The following MYO15A variants were observed in gnomAD, a reference collection of about 807,000 sequenced individuals.
MYO15A encodes unconventional myosin-XV.
In MYO15A, 308 loss-of-function variants were observed where a neutral mutation model predicts 394.6. The ratio of observed to expected loss-of-function variants is 0.78; its 90% CI spans 0.71 to 0.86. MYO15A has a LOEUF of 0.86. Ranked by LOEUF, MYO15A falls within the 40% of genes least tolerant of loss-of-function variation. The pLI, the probability that MYO15A is intolerant of heterozygous loss-of-function variation, is 0.00. For synonymous variants in MYO15A, 1,957 were observed against 2,003.8 expected (o/e 0.98, Z 0.62); for missense variants, 4,606 against 4,799.1 (o/e 0.96, Z 1.19).
chr17:18,136,805 C>T (rs1597786126), intron 15 of MYO15A, 119 bp downstream of exon 15: 3 of 1,371,712 alleles, frequency 2.2e-6, no homozygotes, highest in African/African-American at 1.4e-5. Flanking sequence ...ATCCTCCCTT[C>T]ATGGACCCCT....
intron 12 of MYO15A, among the ~76,000 whole-genome samples, chr17:18,135,103 C>T (rs763885780): frequency 8.5e-5 from 13 of 152,076 alleles, no homozygotes; most frequent in African/African-American, 1.7e-4. Context: ...CTGCCTCATT[C>T]GATCCTCCCA....
In MYO15A at chr17:18,153,711, A is replaced by G; in HGVS notation, c.7967-64A>G. On this transcript the variant is annotated intron_variant, in intron 42 of 65. Coordinates refer to ENST00000647165, the MANE Select transcript of MYO15A (RefSeq NM_016239.4). This position sits in a 1 kb window ranked among gnomAD's most constrained non-coding sequence, Gnocchi z 4.1. ...GAAACTCCGTCTCAAAAATATATAT[A>G]TATATTAATTAAATAAAAAAACGAG... 1.4e-6 allele frequency: 2 copies of G among 1,461,656 alleles called. No individual in the cohort carries two copies. Among genetic ancestry groups the G allele is most frequent in the Non-Finnish European group, 1.8e-6 (2 of 1,095,112 alleles). The allele number at this position is 1,461,656 out of a possible 1,614,324, so 90.5% of individuals were successfully genotyped here. A position where few individuals can be genotyped will look rare whatever the true frequency, so the allele number is the denominator to read the frequency against.
In MYO15A at chr17:18,119,822, A is replaced by G. The variant is rs565206764; in HGVS notation, c.1022A>G (p.Tyr341Cys). 2.0e-5 allele frequency: 32 copies of G among 1,612,990 alleles called. No homozygotes were observed. In the East Asian group the frequency reaches 5.3e-4, roughly 27 times the overall value. ...GAGGGCGAGGCGCACCCTTATGGCT[A>G]CTACCTGGATCCCTATGCGCCGTAC... Reference protein sequence around the residue: ...GYEGEAHPYGYYLDPYAPYDA... With the variant: ...GYEGEAHPYGCYLDPYAPYDA... The change falls in exon 2 of 66, where the codon TAC becomes TGC. Residue 341 changes from tyrosine to cysteine, a missense_variant. By Grantham distance (194) the Tyr-to-Cys change is radical. Around this residue, in one of 2 missense-constraint regions of MYO15A, gnomAD observed 1,830 missense variants for 1,689.7 expected, o/e 1.08. Coordinates refer to ENST00000647165, the MANE Select transcript of MYO15A (RefSeq NM_016239.4).
Position 18,159,341 on chromosome 17 carries a change from T to C in MYO15A, c.9223T>C (p.Phe3075Leu), listed in dbSNP as rs2142393377. 3 of 1,614,188 alleles carry C rather than the reference T, an allele frequency of 1.9e-6. No individual in the cohort carries two copies. The highest frequency in any genetic ancestry group is 2.5e-6 in the Non-Finnish European group (3 of 1,180,032). Residue 3075 changes from phenylalanine (F) to leucine (L), a missense_variant, in exon 54 of 66, where the codon TTC (phenylalanine) becomes CTC (leucine). Phe to Leu is a conservative substitution (Grantham distance 22). Around this residue, in one of 2 missense-constraint regions of MYO15A, gnomAD observed 2,776 missense variants for 3,109.3 expected, o/e 0.89. Coordinates refer to ENST00000647165, the MANE Select transcript of MYO15A (RefSeq NM_016239.4). ...CCTCAGCAAGATGGCCACCGACATG[T>C]TCCTAGGTGTGGGAGTGGGACTGCA... ...SSLSKMATDM[F>L]LAVMRFMGDA...
Position 18,159,923 on chromosome 17 carries a change from GC to G in MYO15A, c.9304-6del, listed in dbSNP as rs1390166367. ...CATGTCTTTGGTGTGTAACCTCCCT[GC>G]CCCCCTTCAGCTGTGCGGGGACCAT... On this transcript the variant is annotated splice_polypyrimidine_tract_variant and intron_variant, in intron 55 of 65. Transcript: ENST00000647165. 3.7e-6 allele frequency: 6 copies of G among 1,613,656 alleles called. No individual in the cohort carries two copies. The highest frequency in any genetic ancestry group is 5.1e-6 in the Non-Finnish European group (6 of 1,179,878).
intron 52 of MYO15A, 81 bp downstream of exon 52, chr17:18,158,719 C>A: frequency 3.3e-6 from 5 of 1,524,444 alleles, no homozygotes; most frequent in Non-Finnish European, 4.5e-6. Flanking sequence ...GGCTGTCAGT[C>A]TCGGAGGCCC....
rs749708404 is a variant in MYO15A, at chr17:18,136,670, A to T, written c.4763A>T (p.Asp1588Val). 6.2e-7 allele frequency: 1 copy of T among 1,609,782 alleles called. No homozygotes were observed. Among genetic ancestry groups the T allele is most frequent in the East Asian group, 2.2e-5 (1 of 44,826 alleles). The change falls in exon 15 of 66, where the codon GAC becomes GTC. Residue 1588 changes from aspartate (D) to valine (V), a missense_variant. Physicochemically the swap from Asp to Val is radical, Grantham distance 152. Around this residue, in one of 2 missense-constraint regions of MYO15A, gnomAD observed 2,776 missense variants for 3,109.3 expected, o/e 0.89. Coordinates refer to ENST00000647165, the MANE Select transcript of MYO15A (RefSeq NM_016239.4). ...RQDTLSIAIL[D>V]IYGFEDLSFN... Reference sequence around the variant, plus strand: ...GACACACTGTCCATCGCCATCCTGGACATCTATGGTTTCGAGGTGGGGCCG... The same window carrying T: ...GACACACTGTCCATCGCCATCCTGGTCATCTATGGTTTCGAGGTGGGGCCG...
chr17:18,139,659 C>T, intron 19 of MYO15A, 48 bp downstream of exon 19: 4 of 1,416,616 alleles, frequency 2.8e-6, no homozygotes, highest in Non-Finnish European at 3.9e-6. Flanking sequence ...GGCATGTCCC[C>T]ACCCCCACAC....
In MYO15A at chr17:18,171,692, G is replaced by C. The variant is rs778466138; in HGVS notation, c.10137G>C (p.Ser3379=). 47 of 1,613,096 alleles carry C rather than the reference G, an allele frequency of 2.9e-5. No individual in the cohort carries two copies. Among genetic ancestry groups the C allele is most frequent in the Non-Finnish European group, 4.0e-5 (47 of 1,180,026 alleles). ...AGCTCTACCGTACAACGGCAGGCTC[G>C]ACCTGGCTCAACCTGGTCAGCCAGC... ...PAQLYRTTAG[S]TWLNLVSQHR... The change falls in exon 63 of 66, where the codon TCG becomes TCC. Residue 3379 remains serine, a synonymous_variant. Transcript: ENST00000647165.
In MYO15A at chr17:18,121,990, C is replaced by G; in HGVS notation, c.3190C>G (p.Pro1064Ala). Residue 1064 changes from proline (P) to alanine (A), a missense_variant, in exon 2 of 66, where the codon CCA becomes GCA. By Grantham distance (27) the Pro-to-Ala change is conservative. Coordinates refer to ENST00000647165, the MANE Select transcript of MYO15A (RefSeq NM_016239.4). The surrounding 1 kb of genome is among the most constrained non-coding windows in gnomAD (Gnocchi z 5.3). ...GACATTAAGGCCCAGCCTCTCATAC[C>G]CACTGGCTGCGTGTGACCAGACCAG... ...QKTLRPSLSY[P>A]LAACDQTRAT... is the part of the protein sequence containing the mutation. 1 of 1,613,304 alleles carries G rather than the reference C, an allele frequency of 6.2e-7. No homozygotes were observed. Among genetic ancestry groups the G allele is most frequent in the Non-Finnish European group, 8.5e-7 (1 of 1,180,024 alleles).
At chr17:18,152,639 C>A (rs2046603974) in intron 42 of MYO15A, among the ~76,000 whole-genome samples, 1 of 152,144 alleles carries the variant, frequency 6.6e-6, no homozygotes, top group Non-Finnish European at 1.5e-5. Context: ...TCTGATGGCT[C>A]CTACAATAAG....
chr17:18,178,958 C>T lies in MYO15A; in HGVS notation c.*88C>T, dbSNP rs2047053680. The T allele has an allele frequency of 2.2e-6, 3 of 1,342,342 alleles. No homozygotes were observed. The Middle Eastern group carries it at 7.2e-4, about 323-fold the overall frequency. 83.2% of individuals were successfully genotyped at this position (1,342,342 alleles called of 1,614,324 possible). A position where few individuals can be genotyped will look rare whatever the true frequency, so the allele number is the denominator to read the frequency against. Reference sequence around the variant, plus strand: ...ACTGAACCTCTCAGGATCAATGACCCCTGTAAGGGGCCAGAGCCTTGGAGG... The same window carrying T: ...ACTGAACCTCTCAGGATCAATGACCTCTGTAAGGGGCCAGAGCCTTGGAGG... On this transcript the variant is annotated 3_prime_UTR_variant, in exon 66 of 66. Transcript: ENST00000647165.
intron 50 of MYO15A, 85 bp from the exon 51 acceptor site, chr17:18,157,637 G>A: frequency 6.3e-7 from 1 of 1,588,258 alleles, no homozygotes; most frequent in South Asian, 1.1e-5. Context: ...GAAGGGTTAA[G>A]AATGTTCCCA....
rs1555545724 is a variant in MYO15A at position 18,149,228 on chromosome 17, C to G, written c.6969C>G (p.Asn2323Lys). ...SRGGPKVVFG[N>K]SWDSDEDMST... ...CTTTTCTCCACAGGGTGTTTGGGAACAGCTGGGACTCGGATGAGGACATGT... is the reference window on the plus strand; with the variant it reads ...CTTTTCTCCACAGGGTGTTTGGGAAGAGCTGGGACTCGGATGAGGACATGT... The change falls in exon 34 of 66, where the codon AAC (asparagine) becomes AAG (lysine). Residue 2323 changes from asparagine (N) to lysine (K), a missense_variant. Coordinates refer to ENST00000647165, the MANE Select transcript of MYO15A (RefSeq NM_016239.4). The G allele has an allele frequency of 2.5e-6, 4 of 1,614,048 alleles. No individual in the cohort carries two copies. The highest frequency in any genetic ancestry group is 3.4e-6 in the Non-Finnish European group (4 of 1,179,964).
rs917981250 is a variant in MYO15A at position 18,121,796 on chromosome 17, G to A, written c.2996G>A (p.Gly999Glu). 11 of 1,612,596 alleles carry A rather than the reference G, an allele frequency of 6.8e-6. No homozygotes were observed. Among genetic ancestry groups the A allele is most frequent in the Non-Finnish European group, 9.3e-6 (11 of 1,179,920 alleles). Residue 999 changes from glycine to glutamate, a missense_variant, in exon 2 of 66, where the codon GGA (glycine) becomes GAA (glutamate). By Grantham distance (98) the Gly-to-Glu change is moderately conservative. Around this residue, in one of 2 missense-constraint regions of MYO15A, gnomAD observed 1,830 missense variants for 1,689.7 expected, o/e 1.08. Coordinates refer to ENST00000647165, the MANE Select transcript of MYO15A (RefSeq NM_016239.4). The surrounding 1 kb of genome is among the most constrained non-coding windows in gnomAD (Gnocchi z 5.3). The part of the protein sequence containing the change: ...FLGRHHEPGP[G>E]QLTKSAGPTP... ...GGCAGACACCATGAGCCGGGGCCTG[G>A]ACAGCTCACCAAATCAGCTGGCCCA... is the stretch of plus-strand genomic sequence containing the variant.
chr17:18,120,663 G>T lies in MYO15A; in HGVS notation c.1863G>T (p.Lys621Asn). 1 of 1,586,882 alleles carries T rather than the reference G, an allele frequency of 6.3e-7. No individual in the cohort carries two copies. The part of the protein sequence containing the change: ...GYKLAGMDPE[K>N]PGTPIVLRRA... ...AGCTGGCTGGCATGGACCCCGAGAA[G>T]CCCGGCACGCCCATCGTGCTGAGGA... The change falls in exon 2 of 66, where the codon AAG becomes AAT. Residue 621 changes from lysine (K) to asparagine (N), a missense_variant. By Grantham distance (94) the Lys-to-Asn change is moderately conservative. Transcript: ENST00000647165.
At chr17:18,141,225 T>C in intron 22 of MYO15A, 82 bp downstream of exon 22, 1 of 1,596,048 alleles carries the variant, frequency 6.3e-7, no homozygotes, top group Non-Finnish European at 8.5e-7. Context: ...ACCCAGGCAG[T>C]ACAGGGCTTG....
At chr17:18,170,251 G>A (rs1315958928) in intron 62 of MYO15A, among the ~76,000 whole-genome samples, 1 of 152,014 alleles carries the variant, frequency 6.6e-6, no homozygotes, top group Non-Finnish European at 1.5e-5. Context: ...CTGGAAAAAC[G>A]AATAGTAAGA....
chr17:18,152,161 G>A lies in MYO15A; in HGVS notation c.7943G>A (p.Arg2648Lys), dbSNP rs1028439353. The part of the protein sequence containing the change: ...ALVKPVTSAP[R>K]PSMAPTSALP... ...GTGAAGCCGGTGACCAGTGCACCAA[G>A]GCCATCCATGGCACCCACTTCAGGT... is the stretch of plus-strand genomic sequence containing the variant. Residue 2648 changes from arginine to lysine, a missense_variant, in exon 42 of 66, where the codon AGG becomes AAG. Around this residue, in one of 2 missense-constraint regions of MYO15A, gnomAD observed 2,776 missense variants for 3,109.3 expected, o/e 0.89. Coordinates refer to ENST00000647165, the MANE Select transcript of MYO15A (RefSeq NM_016239.4). 2 of 1,551,192 alleles carry A rather than the reference G, an allele frequency of 1.3e-6. No individual in the cohort carries two copies. Among genetic ancestry groups the A allele is most frequent in the African/African-American group, 1.4e-5 (1 of 73,064 alleles).
Sources: allele counts gnomAD v4.1 joint callset (sites outside exome capture counted in the v4.1 genomes callset), GRCh38; gene constraint gnomAD v4.1.1; regional missense constraint gnomAD v4.1.1; non-coding constraint Gnocchi (gnomAD v3.1); transcripts MANE v1.5; gene names NCBI Gene and HGNC (gene_info 2026-07-23, HGNC 2026-07-21).